The following EVC2 variants were observed in gnomAD, a reference collection of about 807,000 sequenced individuals.
EVC2 encodes limbin.
A neutral mutation model predicts 149.3 loss-of-function variants in EVC2; 148 were observed. The ratio of observed to expected loss-of-function variants is 0.99; its 90% CI spans 0.87 to 1.14. EVC2 has a LOEUF of 1.14. EVC2 is among the 50% of genes most tolerant of loss of function. EVC2 has a pLI of 0.00. For synonymous variants in EVC2, 776 were observed against 649.9 expected, an observed-to-expected ratio of 1.19 and a Z score of -2.95; for missense variants, 1,854 against 1,627.3, an observed-to-expected ratio of 1.14 and a Z score of -2.40.
In EVC2 at chr4:5,677,596, T is replaced by A. The variant is rs1342067942; in HGVS notation, c.870+3664A>T. On this transcript the variant is annotated intron_variant, in intron 7 of 21. Coordinates refer to ENST00000344408, the MANE Select transcript of EVC2 (RefSeq NM_147127.5). This position sits in a 1 kb window ranked among gnomAD's most constrained non-coding sequence, Gnocchi z 4.3. ...GGCATGGCTCAATTCCATCCATAAG[T>A]GAGCCTGCGGCATCGGGGAAGAGCT... Among the ~76,000 whole-genome samples the A allele has an allele frequency of 2.6e-5, 4 of 152,230 alleles. No homozygotes were observed. The highest frequency in any genetic ancestry group is 5.9e-5 in the Non-Finnish European group (4 of 68,030).
At chr4:5,597,696 T>C (rs1337856289) in intron 16 of EVC2, among the ~76,000 whole-genome samples, 2 of 146,386 alleles carry the variant, frequency 1.4e-5, no homozygotes, top group African/African-American at 5.0e-5. Flanking sequence ...CTATTCAACA[T>C]ACTGTTGGAA....
chr4:5,608,102 C>T (rs1377077315), intron 16 of EVC2, among the ~76,000 whole-genome samples: 1 of 152,152 alleles, frequency 6.6e-6, no homozygotes, highest in Non-Finnish European at 1.5e-5. Context: ...GGACAATTTT[C>T]CCAATGCCTC....
intron 16 of EVC2, among the ~76,000 whole-genome samples, chr4:5,587,688 G>A (rs962509738): frequency 2.2e-4 from 33 of 152,266 alleles, no homozygotes; most frequent in Admixed American, 5.9e-4. Flanking sequence ...TGAGCTCCCC[G>A]AGTGAGCAAT....
chr4:5,678,641 C>T (rs975943373), intron 7 of EVC2, among the ~76,000 whole-genome samples: 28 of 152,302 alleles, frequency 1.8e-4, no homozygotes, highest in African/African-American at 5.5e-4. Context: ...CTAAGCTCTA[C>T]GGTATAGTCT....
chr4:5,585,664 G>A (rs763058332), intron 16 of EVC2, among the ~76,000 whole-genome samples: 8 of 151,968 alleles, frequency 5.3e-5, no homozygotes, highest in Non-Finnish European at 8.8e-5. Context: ...GATAAACTTT[G>A]ACATGTTTCT....
At chr4:5,577,683 T>C (rs912071528) in intron 17 of EVC2, among the ~76,000 whole-genome samples, 3 of 152,174 alleles carry the variant, frequency 2.0e-5, no homozygotes, top group Non-Finnish European at 4.4e-5. Flanking sequence ...ACTGCATCTC[T>C]CTATAGCATG....
At chr4:5,656,139 C>G (rs59428322) in intron 9 of EVC2, among the ~76,000 whole-genome samples, 12,788 of 152,234 alleles carry the variant, frequency 0.084, 669 homozygotes, top group East Asian at 0.12. Context: ...CACAAACAGC[C>G]AGGAAGCACC....
At chr4:5,534,917 C>T in the EVC2 span, among the ~76,000 whole-genome samples, 32 of 146,318 alleles carry the variant, frequency 2.2e-4, no homozygotes, top group South Asian at 6.3e-3. Flanking sequence ...TCTCTATTTT[C>T]TAGGGAAAAC....
chr4:5,553,029 T>C (rs572480222), intron 21 of EVC2, among the ~76,000 whole-genome samples: 121 of 152,346 alleles, frequency 7.9e-4, no homozygotes, highest in Non-Finnish European at 1.5e-3. Flanking sequence ...ATTGCCGGTA[T>C]TGGTCCTTTC....
chr4:5,640,969 C>G lies in EVC2; in HGVS notation c.1146-131G>C. The G allele has an allele frequency of 1.9e-6, 2 of 1,033,426 alleles. No individual in the cohort carries two copies. The highest frequency in any genetic ancestry group is 1.4e-5 in the South Asian group (1 of 72,746). The allele number at this position is 1,033,426 out of a possible 1,614,324, so 64.0% of individuals were successfully genotyped here. A position where few individuals can be genotyped will look rare whatever the true frequency, so the allele number is the denominator to read the frequency against. ...CTTCGTCTTCCTTTTCTTCCTTTCC[C>G]CGCTCACTTCTGCTTCATCCAGTTA... On this transcript the variant is annotated intron_variant, in intron 9 of 21. Transcript: ENST00000344408. This position sits in a 1 kb window ranked among gnomAD's most constrained non-coding sequence, Gnocchi z 4.6.
rs1308712917 is a variant in EVC2 at position 5,631,847 on chromosome 4, C to T, written c.1656G>A (p.Gly552=). The change falls in exon 11 of 22, where the codon GGG becomes GGA. Residue 552 remains glycine, a synonymous_variant. Coordinates refer to ENST00000344408, the MANE Select transcript of EVC2 (RefSeq NM_147127.5). ...FTQIKSAIFK[G]ELKPEAAKML... ...TTTTAGCTGCCTCTGGTTTCAATTCCCCTTTGAAAATAGCACTTTTTATCT... is the reference window on the plus strand; with the variant it reads ...TTTTAGCTGCCTCTGGTTTCAATTCTCCTTTGAAAATAGCACTTTTTATCT... 6 of 1,614,134 alleles carry T rather than the reference C, an allele frequency of 3.7e-6. No homozygotes were observed. The highest frequency in any genetic ancestry group is 1.1e-5 in the South Asian group (1 of 91,080).
rs758216305 is a variant in EVC2, at chr4:5,565,399, C to G, written c.3558-40G>C. Reference sequence around the variant, plus strand: ...GGAGTCTTATAGTTTCAAAAATACGCCTGTAATCCCACTGTAATCCCAGCA... The same window carrying G: ...GGAGTCTTATAGTTTCAAAAATACGGCTGTAATCCCACTGTAATCCCAGCA... On this transcript the variant is annotated intron_variant, in intron 20 of 21. Coordinates refer to ENST00000344408, the MANE Select transcript of EVC2 (RefSeq NM_147127.5). 10 of 1,586,324 alleles carry G rather than the reference C, an allele frequency of 6.3e-6. 1 individual carries two copies. Among genetic ancestry groups the G allele is most frequent in the Non-Finnish European group, 8.7e-6 (10 of 1,155,568 alleles).
intron 15 of EVC2, among the ~76,000 whole-genome samples, chr4:5,616,486 C>A (rs1251420467): frequency 6.6e-6 from 1 of 152,196 alleles, no homozygotes; most frequent in African/African-American, 2.4e-5. Flanking sequence ...TGAAGAAATG[C>A]AGGGGTTCCC....
At chr4:5,593,450 A>C (rs551923235) in intron 16 of EVC2, among the ~76,000 whole-genome samples, 1 of 152,342 alleles carries the variant, frequency 6.6e-6, no homozygotes, top group Non-Finnish European at 1.5e-5. Flanking sequence ...GGTGAGAATT[A>C]AAGGTGCCAC....
chr4:5,568,672 T>G (rs376648271), intron 19 of EVC2, 32 bp from the exon 20 acceptor site: 48 of 1,590,142 alleles, frequency 3.0e-5, no homozygotes, highest in Non-Finnish European at 3.5e-5. Context: ...GTTCAGACCC[T>G]CGCCGCCTCT....
intron 10 of EVC2, among the ~76,000 whole-genome samples, chr4:5,634,906 C>A (rs1271719708): frequency 6.6e-6 from 1 of 152,136 alleles, no homozygotes; most frequent in African/African-American, 2.4e-5. Context: ...CAGCCTCCAC[C>A]CCGTCCACCA....
At chr4:5,668,175 A>G (rs1252516291) in intron 7 of EVC2, among the ~76,000 whole-genome samples, 3 of 152,240 alleles carry the variant, frequency 2.0e-5, no homozygotes, top group Admixed American at 6.5e-5. Flanking sequence ...CAACTAGCCT[A>G]TTCCTCATTC....
chr4:5,664,654 G>C (rs976059199), intron 8 of EVC2, among the ~76,000 whole-genome samples: 5 of 152,144 alleles, frequency 3.3e-5, no homozygotes, highest in Non-Finnish European at 5.9e-5. Context: ...ATGAACAACA[G>C]GCTCCTCACC....
chr4:5,690,829 T>TGTAA (rs1237085705), intron 4 of EVC2, among the ~76,000 whole-genome samples: 5 of 152,192 alleles, frequency 3.3e-5, no homozygotes, highest in African/African-American at 9.7e-5. Flanking sequence ...TTCTGAGTTC[T>TGTAA]GTAAGTACTT....
Sources: gnomAD v4.1 joint callset for allele counts (sites outside exome capture counted in the v4.1 genomes callset) on GRCh38, gnomAD v4.1.1 for gene constraint, Gnocchi (gnomAD v3.1) non-coding constraint, MANE v1.5 for transcripts, NCBI Gene and HGNC (gene_info 2026-07-23, HGNC 2026-07-21) for gene names.